GPN1: variants seen among roughly 807,000 people sequenced by gnomAD.
GPN1 encodes the protein GPN-loop GTPase 1.
Under a neutral mutation model 55.9 loss-of-function variants are expected in GPN1, and 44 were observed. The observed-to-expected ratio is 0.79, with a 90% CI of 0.62 to 1.01. The LOEUF is 1.01. Ranked by LOEUF, GPN1 falls within the 50% of genes least tolerant of loss-of-function variation. The pLI, the probability that GPN1 is intolerant of heterozygous loss-of-function variation, is 0.00. For missense variants in GPN1, 466 were observed against 462.8 expected (o/e 1.01, Z -0.06); for synonymous variants, 179 against 162.5 (o/e 1.10, Z -0.77).
In GPN1 at chr2:27,637,302, A is replaced by C. The variant is rs548455073; in HGVS notation, c.525-908A>C. 1.3e-3 allele frequency among the ~76,000 whole-genome samples: 200 copies of C among 152,232 alleles called. 2 individuals are homozygous for C. Among genetic ancestry groups the C allele is most frequent in the African/African-American group, 4.5e-3 (186 of 41,556 alleles). ...GAAGTAGATCGTCATAAAACTCTTCATCCTAATCGTCTTCACTTTGAGTAG... is the reference window on the plus strand; with the variant it reads ...GAAGTAGATCGTCATAAAACTCTTCCTCCTAATCGTCTTCACTTTGAGTAG... On this transcript the variant is annotated intron_variant, in intron 7 of 13. Coordinates refer to ENST00000610189, the MANE Select transcript of GPN1 (RefSeq NM_007266.4).
chr2:27,635,075 GA>G lies in GPN1; in HGVS notation c.430-60del, dbSNP rs1673679761. 2.6e-5 allele frequency: 29 copies of G among 1,095,100 alleles called. No homozygotes were observed. In the South Asian group the frequency reaches 3.6e-4, roughly 14 times the overall value. 67.8% of individuals were successfully genotyped at this position (1,095,100 alleles called of 1,614,324 possible). On this transcript the variant is annotated intron_variant, in intron 6 of 13. Coordinates refer to ENST00000610189, the MANE Select transcript of GPN1 (RefSeq NM_007266.4). ...TGGTTTTCCCTTGTTAAGGATGGTG[GA>G]AAAAGAGTTTGAGGACAGATCGTGA... is the stretch of plus-strand genomic sequence containing the variant.
chr2:27,638,176 T>G (rs1673803225), intron 7 of GPN1, 34 bp from the exon 8 acceptor site: 1 of 1,263,042 alleles, frequency 7.9e-7, no homozygotes, highest in South Asian at 1.2e-5. Context: ...GCTTATGTGC[T>G]TTTACTAATA....
chr2:27,628,563 C>T, upstream of GPN1: 1 of 1,551,568 alleles, frequency 6.4e-7, no homozygotes, highest in Non-Finnish European at 8.7e-7. Context: ...CAAAGGGTCT[C>T]GGTGCTGCCC....
rs1435871158 is a variant in GPN1, at chr2:27,642,474, C to T, written c.886C>T (p.Arg296Ter). 6 of 1,613,466 alleles carry T rather than the reference C, an allele frequency of 3.7e-6. No individual in the cohort carries two copies. Among genetic ancestry groups the T allele is most frequent in the Non-Finnish European group, 5.1e-6 (6 of 1,179,550 alleles). Reference protein sequence around the residue: ...QQQREQLERLRKDMGSVALDA... With the variant: ...QQQREQLERL The stretch of plus-strand genomic sequence containing the variant: ...GCAGAGAGAACAACTGGAACGCCTT[C>T]GAAAAGATATGGGTTCTGTAGCCTT... Residue 296 changes from arginine to a stop codon, truncating the protein, a stop_gained, in exon 12 of 14, where the codon CGA (arginine) becomes TGA (stop). Transcript: ENST00000610189. LOFTEE classifies it high-confidence loss of function.
At chr2:27,641,073 T>C (rs1673928930) in intron 10 of GPN1, among the ~76,000 whole-genome samples, 167 bp from the exon 11 acceptor site, 1 of 152,180 alleles carries the variant, frequency 6.6e-6, no homozygotes, top group Admixed American at 6.5e-5. Context: ...TGGCTTTTAA[T>C]TCCATTGGGT....
At chr2:27,640,421 G>C (rs573738550) in intron 10 of GPN1, among the ~76,000 whole-genome samples, 13 of 152,334 alleles carry the variant, frequency 8.5e-5, no homozygotes, top group African/African-American at 3.1e-4. Flanking sequence ...TATAGTCTCT[G>C]TTGCAACTGC....
chr2:27,645,890 G>C (rs547819460), intron 12 of GPN1, among the ~76,000 whole-genome samples: 13 of 151,064 alleles, frequency 8.6e-5, no homozygotes, highest in African/African-American at 2.2e-4. Context: ...CCACCATGCC[G>C]GGCTAAATTT....
In GPN1 at chr2:27,632,691, C is replaced by T. The variant is rs748308231; in HGVS notation, c.350+21C>T. On this transcript the variant is annotated intron_variant, in intron 5 of 13. Transcript: ENST00000610189. ...TCCAAGTAAGTGATGTCAGTAACAC[C>T]CATTTATTACTCTGTAGCTGACATA... 53 of 1,475,604 alleles carry T rather than the reference C, an allele frequency of 3.6e-5. No homozygotes were observed. In the East Asian group the frequency reaches 1.1e-3, roughly 30 times the overall value. The allele number at this position is 1,475,604 out of a possible 1,614,324, so 91.4% of individuals were successfully genotyped here. A position where few individuals can be genotyped will look rare whatever the true frequency, so the allele number is the denominator to read the frequency against.
chr2:27,631,849 C>T lies in GPN1; in HGVS notation c.261C>T (p.Pro87=). Residue 87 remains proline, a synonymous_variant, in exon 4 of 14, where the codon CCC becomes CCT. Transcript: ENST00000610189. ...TGGTGTCTAGATATGGACTTGGACCCAATGGCGGCATAGTGACCTCACTCA... is the reference window on the plus strand; with the variant it reads ...TGGTGTCTAGATATGGACTTGGACCTAATGGCGGCATAGTGACCTCACTCA... ...KEVMKQYGLG[P]NGGIVTSLNL... The T allele has an allele frequency of 6.3e-7, 1 of 1,599,662 alleles. No individual in the cohort carries two copies. The highest frequency in any genetic ancestry group is 2.2e-5 in the East Asian group (1 of 44,812).
At chr2:27,647,516 A>G (rs994076319) in intron 12 of GPN1, among the ~76,000 whole-genome samples, 1 of 152,172 alleles carries the variant, frequency 6.6e-6, no homozygotes, top group Non-Finnish European at 1.5e-5. Context: ...GTTAGCTTTC[A>G]TAGGAAAAAC....
At chr2:27,632,741 G>A in intron 5 of GPN1, 71 bp downstream of exon 5, 4 of 996,422 alleles carry the variant, frequency 4.0e-6, no homozygotes, top group Non-Finnish European at 6.4e-6. Flanking sequence ...GGAGGATCTG[G>A]GATACCATCA....
rs140148902 is a variant in GPN1, at chr2:27,647,867, T to G, written c.963T>G (p.Asp321Glu). The G allele has an allele frequency of 7.4e-6, 12 of 1,613,308 alleles. No homozygotes were observed. In the African/African-American group the frequency reaches 1.6e-4, roughly 22 times the overall value. ...DSLSPVLHPS[D>E]LILTRGTLDE... ...TATCTCCTGTGCTGCACCCTTCTGA[T>G]TTGATCCTGACTCGAGGAACCTTGG... is the stretch of plus-strand genomic sequence containing the variant. The change falls in exon 13 of 14, where the codon GAT becomes GAG. Residue 321 changes from aspartate to glutamate, a missense_variant. Asp to Glu is a conservative substitution (Grantham distance 45). Transcript: ENST00000610189.
At chr2:27,628,978 T>G (rs1411128387), upstream of GPN1, 1 of 1,585,856 alleles carries the variant, frequency 6.3e-7, no homozygotes, top group Non-Finnish European at 8.6e-7. Context: ...GTGGTGGTTT[T>G]CGTTCGCAGC....
intron 12 of GPN1, among the ~76,000 whole-genome samples, chr2:27,645,048 G>A (rs1264577884): frequency 6.6e-6 from 1 of 152,016 alleles, no homozygotes; most frequent in Admixed American, 6.6e-5. Flanking sequence ...GCTCCCTGCA[G>A]CCTCGAACTA....
At position 27,650,190 on chromosome 2, in the gene GPN1, A is replaced by G; in HGVS notation, c.1115A>G (p.Asn372Ser). The G allele has an allele frequency of 1.3e-6, 2 of 1,584,744 alleles. No homozygotes were observed. Among genetic ancestry groups the G allele is most frequent in the Non-Finnish European group, 1.7e-6 (2 of 1,153,426 alleles). Reference sequence around the variant, plus strand: ...TCGATGGCACAATACTGGAAGAGAAACAATAAATAGGAGACTTTAGCACAC... The same window carrying G: ...TCGATGGCACAATACTGGAAGAGAAGCAATAAATAGGAGACTTTAGCACAC... The part of the protein sequence containing the change: ...QESMAQYWKR[N>S]NK The change falls in exon 14 of 14, where the codon AAC becomes AGC. Residue 372 changes from asparagine (N) to serine (S), a missense_variant. Asn to Ser is a conservative substitution (Grantham distance 46). Transcript: ENST00000610189.
At chr2:27,638,655 T>C (rs977321871) in intron 8 of GPN1, among the ~76,000 whole-genome samples, 6 of 136,276 alleles carry the variant, frequency 4.4e-5, no homozygotes, top group African/African-American at 2.1e-4. Flanking sequence ...CTGGTCCTGG[T>C]ACTTGGCAGT....
In GPN1 at chr2:27,647,878, C is replaced by G. The variant is rs372179324; in HGVS notation, c.974C>G (p.Thr325Ser). The part of the protein sequence containing the change: ...PVLHPSDLIL[T>S]RGTLDEEDEE... ...CTGCACCCTTCTGATTTGATCCTGA[C>G]TCGAGGAACCTTGGATGAAGAGGAT... Residue 325 changes from threonine (T) to serine (S), a missense_variant, in exon 13 of 14, where the codon ACT (threonine) becomes AGT (serine). By Grantham distance (58) the Thr-to-Ser change is moderately conservative. Coordinates refer to ENST00000610189, the MANE Select transcript of GPN1 (RefSeq NM_007266.4). 6.2e-7 allele frequency: 1 copy of G among 1,613,690 alleles called. No homozygotes were observed. The highest frequency in any genetic ancestry group is 8.5e-7 in the Non-Finnish European group (1 of 1,179,602).
At position 27,629,874 on chromosome 2, in the gene GPN1, C is replaced by G. The variant is rs578234772; in HGVS notation, c.127C>G (p.Leu43Val). The change falls in exon 2 of 14, where the codon CTG becomes GTG. Residue 43 changes from leucine to valine, a missense_variant. Leu to Val is a conservative substitution (Grantham distance 32). Coordinates refer to ENST00000610189, the MANE Select transcript of GPN1 (RefSeq NM_007266.4). ...TTFVQRLTGH[L>V]HAQGTPPYVI... ...ATCTCTGCAGAGGCTCACAGGACAC[C>G]TGCATGCCCAAGGCACTCCACCGTA... 2 of 1,603,368 alleles carry G rather than the reference C, an allele frequency of 1.2e-6. No homozygotes were observed. The highest frequency in any genetic ancestry group is 1.7e-6 in the Non-Finnish European group (2 of 1,170,210).
intron 12 of GPN1, among the ~76,000 whole-genome samples, chr2:27,647,467 C>T (rs956822653): frequency 1.3e-5 from 2 of 152,182 alleles, no homozygotes; most frequent in Non-Finnish European, 2.9e-5. Context: ...TCCACACTTT[C>T]ACTGTGACTC....
Sources: gnomAD v4.1 joint callset for allele counts (sites outside exome capture counted in the v4.1 genomes callset) on GRCh38, gnomAD v4.1.1 for gene constraint, MANE v1.5 for transcripts, NCBI Gene and HGNC (gene_info 2026-07-23, HGNC 2026-07-21) for gene names.